L3MBTL3: variants seen among roughly 807,000 people sequenced by gnomAD.
L3MBTL3 encodes lethal(3)malignant brain tumor-like protein 3.
Under a neutral mutation model 102.3 loss-of-function variants are expected in L3MBTL3, and 27 were observed. The observed-to-expected ratio is 0.26, with a 90% CI of 0.19 to 0.36. The LOEUF (loss-of-function observed/expected upper bound fraction) is 0.36, where lower values mean the gene tolerates loss of function less well. Ranked by LOEUF, L3MBTL3 falls within the 10% of genes least tolerant of loss-of-function variation. L3MBTL3 has a pLI of 1.00. For missense variants in L3MBTL3, 798 were observed against 955.3 expected (o/e 0.84, Z 2.17); for synonymous variants, 340 against 320.9 (o/e 1.06, Z -0.64).
chr6:130,076,426 G>A (rs1180978660), intron 13 of L3MBTL3, among the ~76,000 whole-genome samples: 2 of 151,988 alleles, frequency 1.3e-5, no homozygotes, highest in Non-Finnish European at 2.9e-5. Context: ...GGATCTTCAT[G>A]TCTCCTAACT....
intron 16 of L3MBTL3, among the ~76,000 whole-genome samples, chr6:130,088,909 G>C (rs923563958): frequency 2.0e-5 from 3 of 151,918 alleles, no homozygotes; most frequent in African/African-American, 7.3e-5. Context: ...ATTCACTGTT[G>C]AGCAAAGTAG....
intron 2 of L3MBTL3, among the ~76,000 whole-genome samples, chr6:130,037,993 TTTAGCTCTCAC>T (rs2114643997): frequency 6.6e-6 from 1 of 152,236 alleles, no homozygotes; most frequent in Admixed American, 6.5e-5. Flanking sequence ...ATGAGACTTT[TTTAGCTCTCAC>T]ATATGAATGA....
chr6:130,121,651 T>G (rs1786217660), intron 20 of L3MBTL3, among the ~76,000 whole-genome samples: 1 of 152,194 alleles, frequency 6.6e-6, no homozygotes, highest in South Asian at 2.1e-4. Context: ...CTTCCTGTGT[T>G]TAAAACGCAA....
At chr6:130,021,025 T>A (rs1383145388) in intron 1 of L3MBTL3, among the ~76,000 whole-genome samples, 1 of 152,066 alleles carries the variant, frequency 6.6e-6, no homozygotes, top group South Asian at 2.1e-4. Flanking sequence ...CCAGTTCTCC[T>A]TTTGGTTTTC....
At chr6:130,063,759 A>G (rs1322300257) in intron 10 of L3MBTL3, among the ~76,000 whole-genome samples, 2 of 152,214 alleles carry the variant, frequency 1.3e-5, no homozygotes, top group Admixed American at 6.5e-5. Flanking sequence ...GGGACACTAA[A>G]CAACACCTCA....
intron 19 of L3MBTL3, among the ~76,000 whole-genome samples, chr6:130,109,456 A>G (rs1785211011): frequency 6.6e-6 from 1 of 152,224 alleles, no homozygotes; most frequent in East Asian, 1.9e-4. Flanking sequence ...TCTAATGACC[A>G]GTGATGATGA....
At chr6:130,120,244 A>G (rs895710903) in intron 19 of L3MBTL3, among the ~76,000 whole-genome samples, 2 of 152,178 alleles carry the variant, frequency 1.3e-5, no homozygotes, top group African/African-American at 4.8e-5. Context: ...AAAAAAACAA[A>G]CAAACCCGTT....
chr6:130,107,900 G>A (rs1377305935), intron 19 of L3MBTL3, among the ~76,000 whole-genome samples: 1 of 152,148 alleles, frequency 6.6e-6, no homozygotes, highest in Non-Finnish European at 1.5e-5. Context: ...ATGTAGCTCT[G>A]AAGATTAGTT....
chr6:130,032,477 AT>A (rs920730369), intron 2 of L3MBTL3, among the ~76,000 whole-genome samples: 19 of 150,128 alleles, frequency 1.3e-4, no homozygotes, highest in East Asian at 7.8e-4. Flanking sequence ...TCACTGCCTA[AT>A]TTTTTTTTTA....
intron 10 of L3MBTL3, among the ~76,000 whole-genome samples, chr6:130,061,924 G>A (rs966919313): frequency 2.0e-5 from 3 of 152,194 alleles, no homozygotes; most frequent in Admixed American, 1.3e-4. Context: ...AGAAGCAGCA[G>A]TGTCAGATGC....
At chr6:130,104,172 T>G (rs111702471) in intron 18 of L3MBTL3, among the ~76,000 whole-genome samples, 5,546 of 152,220 alleles carry the variant, frequency 0.036, 180 homozygotes, top group Middle Eastern at 0.088. Context: ...CTTCAGTGAC[T>G]CTTGCTCAGT....
At chr6:130,063,276 A>G (rs1782030630) in intron 10 of L3MBTL3, among the ~76,000 whole-genome samples, 1 of 152,138 alleles carries the variant, frequency 6.6e-6, no homozygotes, top group South Asian at 2.1e-4. Flanking sequence ...TTTGGGTTAG[A>G]AGGCAAATTA....
At chr6:130,098,328 G>T (rs571086617) in intron 18 of L3MBTL3, among the ~76,000 whole-genome samples, 5 of 152,242 alleles carry the variant, frequency 3.3e-5, no homozygotes, top group African/African-American at 1.2e-4. Context: ...TATGTCACCT[G>T]CTGGGTTAGG....
At chr6:130,114,412 T>A (rs560804118) in intron 19 of L3MBTL3, among the ~76,000 whole-genome samples, 10 of 152,306 alleles carry the variant, frequency 6.6e-5, no homozygotes, top group African/African-American at 2.4e-4. Context: ...TCTGTTCTCT[T>A]TTCCACAACA....
At chr6:130,054,293 G>A (rs1017155213) in intron 7 of L3MBTL3, among the ~76,000 whole-genome samples, 2 of 152,162 alleles carry the variant, frequency 1.3e-5, no homozygotes, top group Admixed American at 6.5e-5. Flanking sequence ...GGCATGTAGG[G>A]TTTTATGGTA....
At chr6:130,055,145 G>C in intron 7 of L3MBTL3, 26 bp from the exon 8 acceptor site, 6 of 1,586,566 alleles carry the variant, frequency 3.8e-6, no homozygotes, top group Non-Finnish European at 4.3e-6. Context: ...GAACTTTAAA[G>C]TCATAATTTT....
chr6:130,075,948 G>A (rs756085785), intron 13 of L3MBTL3, among the ~76,000 whole-genome samples: 6 of 152,184 alleles, frequency 3.9e-5, no homozygotes, highest in Non-Finnish European at 8.8e-5. Flanking sequence ...TAAGCTTGAA[G>A]CAAATTAATA....
intron 19 of L3MBTL3, among the ~76,000 whole-genome samples, 161 bp downstream of exon 19, chr6:130,104,736 TA>T (rs930371869): frequency 1.7e-3 from 250 of 145,594 alleles, no homozygotes; most frequent in African/African-American, 1.5e-3. Context: ...TACTTGAACT[TA>T]AAAAAAAAAA....
chr6:130,058,981 A>G (rs1406692423), intron 9 of L3MBTL3, among the ~76,000 whole-genome samples: 3 of 152,210 alleles, frequency 2.0e-5, no homozygotes, highest in Non-Finnish European at 4.4e-5. Flanking sequence ...TGCATTAAGA[A>G]TATTTAATTT....
Sources: gnomAD v4.1 joint callset for allele counts (sites outside exome capture counted in the v4.1 genomes callset) on GRCh38, gnomAD v4.1.1 for gene constraint, MANE v1.5 for transcripts, NCBI Gene and HGNC (gene_info 2026-07-23, HGNC 2026-07-21) for gene names.